The following NTRK2 variants were observed in gnomAD, a reference collection of about 807,000 sequenced individuals.
The protein encoded by NTRK2 is neurotrophic receptor tyrosine kinase 2.
In NTRK2, 13 loss-of-function variants were observed where a neutral mutation model predicts 94.5. That is an observed-to-expected ratio of 0.14 (90% CI 0.09 to 0.22). The LOEUF (loss-of-function observed/expected upper bound fraction) is 0.22, where lower values mean the gene tolerates loss of function less well. NTRK2 is among the 10% of genes least tolerant of loss of function. The probability of loss-of-function intolerance (pLI) is 1.00; values close to 1 mark genes in which losing one functional copy is unlikely to be tolerated. For synonymous variants in NTRK2, 372 were observed against 407.4 expected (o/e 0.91, Z 1.05); for missense variants, 639 against 1,071.2 (o/e 0.60, Z 5.63).
chr9:84,850,359 A>G (rs1009375320), intron 12 of NTRK2, among the ~76,000 whole-genome samples: 2 of 152,234 alleles, frequency 1.3e-5, no homozygotes, highest in Non-Finnish European at 2.9e-5. Flanking sequence ...CAGGTGATCA[A>G]TGAATAGTTT....
intron 12 of NTRK2, among the ~76,000 whole-genome samples, chr9:84,798,549 T>G (rs1448903933): frequency 6.6e-6 from 1 of 152,160 alleles, no homozygotes; most frequent in Non-Finnish European, 1.5e-5. Context: ...ACTTAACCTC[T>G]CAGAAACTTA....
intron 17 of NTRK2, among the ~76,000 whole-genome samples, chr9:85,002,918 C>T (rs1223641778): frequency 6.6e-6 from 1 of 152,080 alleles, no homozygotes; most frequent in Admixed American, 6.6e-5. Context: ...CAACATCAGG[C>T]CAGGTCAGGC....
intron 14 of NTRK2, among the ~76,000 whole-genome samples, chr9:84,908,543 C>G (rs1290475761): frequency 6.6e-6 from 1 of 152,176 alleles, no homozygotes; most frequent in Non-Finnish European, 1.5e-5. Flanking sequence ...CTCTCATTTG[C>G]AGCAAGCCAT....
At chr9:84,913,399 T>C (rs2077302296) in intron 14 of NTRK2, among the ~76,000 whole-genome samples, 1 of 152,328 alleles carries the variant, frequency 6.6e-6, no homozygotes, top group East Asian at 1.9e-4. Context: ...ATATTTCTTC[T>C]ACATACATTA....
chr9:84,783,901 A>G (rs1465948745), intron 12 of NTRK2, among the ~76,000 whole-genome samples: 1 of 152,144 alleles, frequency 6.6e-6, no homozygotes, highest in Non-Finnish European at 1.5e-5. Context: ...GAGTACCCTA[A>G]TTAAGTGTAT....
chr9:84,741,408 G>A (rs1470897925), intron 9 of NTRK2, among the ~76,000 whole-genome samples: 1 of 152,168 alleles, frequency 6.6e-6, no homozygotes, highest in Non-Finnish European at 1.5e-5. Context: ...ATAAAATTGT[G>A]CTTTAGATAG....
chr9:84,954,980 G>A (rs2132965836), intron 16 of NTRK2, among the ~76,000 whole-genome samples: 1 of 152,324 alleles, frequency 6.6e-6, no homozygotes, highest in East Asian at 1.9e-4. Context: ...CAGTGCCAGA[G>A]CCCCTAAAAT....
At chr9:84,877,277 T>C (rs1006038013) in intron 14 of NTRK2, 12 of 1,065,906 alleles carry the variant, frequency 1.1e-5, no homozygotes, top group African/African-American at 1.6e-5. Flanking sequence ...ATTCATGTCA[T>C]TGAGGGCCTT....
intron 12 of NTRK2, among the ~76,000 whole-genome samples, chr9:84,817,700 A>G (rs902196751): frequency 1.8e-4 from 27 of 152,360 alleles, no homozygotes; most frequent in Admixed American, 5.9e-4. Context: ...CTTAGCCAAA[A>G]GATTGTTTCA....
At chr9:84,782,037 AACACACACACACAC>A (rs58851217) in intron 12 of NTRK2, among the ~76,000 whole-genome samples, 1 of 149,548 alleles carries the variant, frequency 6.7e-6, no homozygotes, top group African/African-American at 2.5e-5. Context: ...CCTCCAAGAA[AACACACACACACAC>A]ACACACACAC....
At chr9:84,989,190 C>A (rs996602833) in intron 17 of NTRK2, among the ~76,000 whole-genome samples, 1 of 152,138 alleles carries the variant, frequency 6.6e-6, no homozygotes, top group African/African-American at 2.4e-5. Context: ...ACCACCCCAC[C>A]CCACAAACTA....
Position 84,878,149 on chromosome 9 carries a change from G to A in NTRK2, c.1633+10718G>A, listed in dbSNP as rs78001191. Reference sequence around the variant, plus strand: ...AGGCACAGAATTTAAAGTGACACCAGAAGTGTCAGTACTCAAGATAAATAA... The same window carrying A: ...AGGCACAGAATTTAAAGTGACACCAAAAGTGTCAGTACTCAAGATAAATAA... On this transcript the variant is annotated intron_variant, in intron 14 of 18. Coordinates refer to ENST00000277120, the MANE Select transcript of NTRK2 (RefSeq NM_006180.6). Among the ~76,000 whole-genome samples, 708 of 152,242 alleles carry A rather than the reference G, an allele frequency of 4.7e-3. 13 individuals are homozygous for A. Among genetic ancestry groups the A allele is most frequent in the Admixed American group, 0.038 (575 of 15,288 alleles).
At chr9:84,931,416 AAG>A (rs60534679) in intron 14 of NTRK2, among the ~76,000 whole-genome samples, 12,785 of 147,682 alleles carry the variant, frequency 0.087, 612 homozygotes, top group African/African-American at 0.13. Flanking sequence ...CAAAAAAAAA[AAG>A]AGAGAGAGAG....
intron 14 of NTRK2, among the ~76,000 whole-genome samples, chr9:84,932,400 G>C (rs1210584923): frequency 6.6e-6 from 1 of 152,150 alleles, no homozygotes; most frequent in Non-Finnish European, 1.5e-5. Flanking sequence ...TAGGAATGTA[G>C]GTACAATCAG....
intron 12 of NTRK2, chr9:84,814,180 C>T (rs2072119629): frequency 9.4e-7 from 1 of 1,065,576 alleles, no homozygotes; most frequent in African/African-American, 1.6e-5. Flanking sequence ...CCAGCCCCAC[C>T]CAGCAACACA....
At chr9:84,874,501 T>C (rs2075994714) in intron 14 of NTRK2, 1 of 1,065,794 alleles carries the variant, frequency 9.4e-7, no homozygotes, top group Admixed American at 5.3e-5. Context: ...GTGATGCTGC[T>C]CTGAGGTTGA....
intron 4 of NTRK2, among the ~76,000 whole-genome samples, chr9:84,707,466 T>C (rs1282333609): frequency 6.6e-6 from 1 of 152,332 alleles, no homozygotes; most frequent in South Asian, 2.1e-4. Flanking sequence ...GGCATATTTT[T>C]TCCCTACTGG....
chr9:84,669,355 T>C (rs1422329697), upstream of NTRK2: 1 of 152,624 alleles, frequency 6.6e-6, no homozygotes, highest in Non-Finnish European at 1.5e-5. The surrounding 1 kb of genome is among the most constrained non-coding windows in gnomAD (Gnocchi z 4.1). Context: ...TCTACCGCGA[T>C]TGTAGAAGAG....
intron 12 of NTRK2, chr9:84,810,852 A>C: frequency 7.7e-7 from 1 of 1,294,784 alleles, no homozygotes; most frequent in Non-Finnish European, 9.8e-7. Context: ...CTCTTCTTAC[A>C]GTAGTTCAAA....
Sources: allele counts gnomAD v4.1 joint callset (sites outside exome capture counted in the v4.1 genomes callset), GRCh38; gene constraint gnomAD v4.1.1; non-coding constraint Gnocchi (gnomAD v3.1); transcripts MANE v1.5; gene names NCBI Gene and HGNC (gene_info 2026-07-23, HGNC 2026-07-21).